The following FBXO34 variants were observed in gnomAD, a reference collection of about 807,000 sequenced individuals.
FBXO34 encodes the protein F-box only protein 34.
A neutral mutation model predicts 24.5 loss-of-function variants in FBXO34; 12 were observed. That is an observed-to-expected ratio of 0.49 (90% confidence interval 0.31 to 0.79). FBXO34 has a LOEUF of 0.79. Ranked by LOEUF, FBXO34 falls within the 30% of genes least tolerant of loss-of-function variation. The probability of loss-of-function intolerance (pLI) is 0.04; values close to 1 mark genes in which losing one functional copy is unlikely to be tolerated. For synonymous variants in FBXO34, 320 were observed against 311.9 expected (o/e 1.03, Z -0.27); for missense variants, 823 against 857.7 (o/e 0.96, Z 0.51).
the FBXO34 span, among the ~76,000 whole-genome samples, chr14:55,402,662 C>T: frequency 1.3e-5 from 2 of 150,962 alleles, no homozygotes; most frequent in Non-Finnish European, 3.0e-5. Flanking sequence ...AAAACCTGGT[C>T]CTTATCAGGA....
chr14:55,442,455 G>C, the FBXO34 span, among the ~76,000 whole-genome samples: 1 of 151,784 alleles, frequency 6.6e-6, no homozygotes, highest in South Asian at 2.1e-4. Context: ...TTTGCTCTCT[G>C]AGAGCAAGAA....
chr14:55,301,761 A>C (rs1314436215), intron 1 of FBXO34, among the ~76,000 whole-genome samples: 1 of 152,204 alleles, frequency 6.6e-6, no homozygotes, highest in African/African-American at 2.4e-5. Context: ...GGGATCAAGA[A>C]CAAGTCTGTC....
At chr14:55,298,690 TC>T in intron 1 of FBXO34, 1 of 1,560,248 alleles carries the variant, frequency 6.4e-7, no homozygotes, top group Non-Finnish European at 8.7e-7. Context: ...GGCCTGACCC[TC>T]CAGGAGGCCA....
chr14:55,282,362 G>A, intron 1 of FBXO34: 1 of 448,102 alleles, frequency 2.2e-6, no homozygotes, highest in Non-Finnish European at 4.5e-6. Context: ...TCTTGATAAG[G>A]AAGGCACCCT....
chr14:55,427,745 G>A, the FBXO34 span, among the ~76,000 whole-genome samples: 8 of 151,972 alleles, frequency 5.3e-5, no homozygotes, highest in Non-Finnish European at 8.8e-5. Flanking sequence ...CTGTTGAGAC[G>A]GGAAGTCTGA....
the FBXO34 span, among the ~76,000 whole-genome samples, chr14:55,430,398 TAAA>T: frequency 0.44 from 52,074 of 119,580 alleles, 11,688 homozygotes; most frequent in African/African-American, 0.6. Flanking sequence ...TCACCCACTT[TAAA>T]AAAAAAAAAA....
intron 1 of FBXO34, among the ~76,000 whole-genome samples, chr14:55,295,191 T>G (rs1330090187): frequency 2.6e-5 from 4 of 152,146 alleles, no homozygotes; most frequent in Non-Finnish European, 4.4e-5. Context: ...GGAAAAAACC[T>G]CTAGGTTTGA....
downstream of FBXO34, among the ~76,000 whole-genome samples, chr14:55,374,833 C>T (rs753211519): frequency 5.3e-5 from 8 of 152,138 alleles, no homozygotes; most frequent in Non-Finnish European, 8.8e-5. Context: ...GAGTCTGTTT[C>T]GGGACTATTT....
chr14:55,315,657 T>C (rs1179083130), intron 1 of FBXO34, among the ~76,000 whole-genome samples: 2 of 152,352 alleles, frequency 1.3e-5, no homozygotes, highest in East Asian at 3.9e-4. Flanking sequence ...TCCTTTGGAA[T>C]TTTAAAGGGA....
At chr14:55,295,054 A>G (rs1882072814) in intron 1 of FBXO34, among the ~76,000 whole-genome samples, 1 of 152,266 alleles carries the variant, frequency 6.6e-6, no homozygotes, top group African/African-American at 2.4e-5. Flanking sequence ...ACTTTATTGA[A>G]TACTCAAAGT....
downstream of FBXO34, chr14:55,369,975 C>G: frequency 2.0e-6 from 3 of 1,512,520 alleles, no homozygotes; most frequent in South Asian, 4.0e-5. Context: ...ATTCTCAACA[C>G]CAGAAAATAT....
chr14:55,385,809 G>A, the FBXO34 span: 1 of 1,441,812 alleles, frequency 6.9e-7, no homozygotes, highest in Middle Eastern at 1.8e-4. Context: ...ACTTTAAAAA[G>A]TATTTGGAAC....
At chr14:55,334,311 G>C (rs1347955280) in intron 1 of FBXO34, among the ~76,000 whole-genome samples, 2 of 152,132 alleles carry the variant, frequency 1.3e-5, no homozygotes, top group Admixed American at 6.5e-5. Flanking sequence ...CTGACTGGCT[G>C]GTTTAAGTCC....
intron 1 of FBXO34, among the ~76,000 whole-genome samples, chr14:55,293,887 A>G (rs1882031385): frequency 6.6e-6 from 1 of 150,716 alleles, no homozygotes; most frequent in African/African-American, 2.4e-5. Flanking sequence ...GGAGAGAGGG[A>G]TATAGAAACT....
chr14:55,276,061 C>G (rs545180575), intron 1 of FBXO34, among the ~76,000 whole-genome samples: 3 of 152,176 alleles, frequency 2.0e-5, no homozygotes, highest in African/African-American at 2.4e-5. Flanking sequence ...AAGGCCAGAA[C>G]TAGTCTATCT....
rs1883136684 is a variant in FBXO34 at position 55,321,600 on chromosome 14, T to C, written c.-10-28781T>C. ...TTTGTAGAGATGGGATTTCACCATG[T>C]TGGCCAGGCTGGTTTCAAACTGCTG... On this transcript the variant is annotated intron_variant, in intron 1 of 1. Coordinates refer to ENST00000313833, the MANE Select transcript of FBXO34 (RefSeq NM_017943.4). 2.0e-5 allele frequency among the ~76,000 whole-genome samples: 3 copies of C among 152,240 alleles called. No individual in the cohort carries two copies. In the South Asian group the frequency reaches 6.2e-4, roughly 32 times the overall value.
chr14:55,425,591 G>C, the FBXO34 span, among the ~76,000 whole-genome samples: 7 of 152,152 alleles, frequency 4.6e-5, no homozygotes, highest in Non-Finnish European at 8.8e-5. Context: ...AGTGGTTTTG[G>C]TTAGGGATGG....
At chr14:55,323,465 C>A (rs894607950) in intron 1 of FBXO34, among the ~76,000 whole-genome samples, 15 of 151,318 alleles carry the variant, frequency 9.9e-5, no homozygotes, top group African/African-American at 3.4e-4. Flanking sequence ...TCACTGCGGT[C>A]TTCGAGTCTG....
chr14:55,394,831 C>T, the FBXO34 span: 1 of 303,352 alleles, frequency 3.3e-6, no homozygotes, highest in Non-Finnish European at 6.4e-6. Context: ...AAAACTAACC[C>T]CCCAACTACG....
Sources: allele counts gnomAD v4.1 joint callset (sites outside exome capture counted in the v4.1 genomes callset), GRCh38; gene constraint gnomAD v4.1.1; transcripts MANE v1.5; gene names NCBI Gene and HGNC (gene_info 2026-07-23, HGNC 2026-07-21).